CTNNA3: variants seen among roughly 807,000 people sequenced by gnomAD.
CTNNA3 encodes the protein catenin alpha 3.
Under a neutral mutation model 95.7 loss-of-function variants are expected in CTNNA3, and 76 were observed. The ratio of observed to expected loss-of-function variants is 0.79; its 90% confidence interval spans 0.66 to 0.96. The LOEUF is 0.96. Ranked by LOEUF, CTNNA3 falls within the 40% of genes least tolerant of loss-of-function variation. CTNNA3 has a pLI of 0.00. For missense variants in CTNNA3, 1,191 were observed against 1,089.8 expected, an observed-to-expected ratio of 1.09 and a Z score of -1.31; for synonymous variants, 431 against 374.4, an observed-to-expected ratio of 1.15 and a Z score of -1.74.
intron 9 of CTNNA3, among the ~76,000 whole-genome samples, chr10:66,734,033 G>T (rs1463038158): frequency 6.6e-6 from 1 of 151,504 alleles, no homozygotes; most frequent in Non-Finnish European, 1.5e-5. Flanking sequence ...ATAACTAATT[G>T]TGATGTATTT....
intron 13 of CTNNA3, among the ~76,000 whole-genome samples, chr10:66,236,595 C>G (rs2089865008): frequency 6.6e-6 from 1 of 152,076 alleles, no homozygotes; most frequent in African/African-American, 2.4e-5. Flanking sequence ...GTAAAATCAT[C>G]AAATCAGTAG....
chr10:66,523,918 T>C (rs1841157779), intron 10 of CTNNA3, among the ~76,000 whole-genome samples: 1 of 152,206 alleles, frequency 6.6e-6, no homozygotes, highest in African/African-American at 2.4e-5. Flanking sequence ...TTCTTTTCAG[T>C]AATTCATAGT....
intron 7 of CTNNA3, among the ~76,000 whole-genome samples, chr10:66,910,056 C>A (rs531480382): frequency 6.6e-6 from 1 of 152,104 alleles, no homozygotes; most frequent in South Asian, 2.1e-4. Context: ...GAGGAAGTCA[C>A]CAAAATCCCT....
At chr10:66,818,730 G>GTT (rs113895449) in intron 7 of CTNNA3, among the ~76,000 whole-genome samples, 10 of 144,428 alleles carry the variant, frequency 6.9e-5, no homozygotes, top group African/African-American at 9.8e-5. Context: ...GTGTTTTGTG[G>GTT]GTTTTTTTCA....
intron 17 of CTNNA3, among the ~76,000 whole-genome samples, chr10:65,920,883 A>T (rs2077076063): frequency 6.6e-6 from 1 of 152,190 alleles, no homozygotes; most frequent in Non-Finnish European, 1.5e-5. Flanking sequence ...TTAATGTCAC[A>T]ATAAGCTGCT....
At chr10:65,930,198 G>GAAAA (rs2077228727) in intron 17 of CTNNA3, among the ~76,000 whole-genome samples, 1 of 44,624 alleles carries the variant, frequency 2.2e-5, no homozygotes, top group Admixed American at 3.1e-4. Flanking sequence ...TCAGAGCTCA[G>GAAAA]TAAAAAAAAA....
At chr10:67,587,717 C>A (rs1842679615) in intron 3 of CTNNA3, among the ~76,000 whole-genome samples, 1 of 152,098 alleles carries the variant, frequency 6.6e-6, no homozygotes, top group Admixed American at 6.5e-5. Flanking sequence ...ATTTGGGGAT[C>A]ACTGAGCTTC....
chr10:66,816,393 T>A (rs567388827), intron 7 of CTNNA3, among the ~76,000 whole-genome samples: 39 of 152,040 alleles, frequency 2.6e-4, no homozygotes, highest in African/African-American at 8.7e-4. Flanking sequence ...AAGGCAAAAA[T>A]CGACTAATGG....
chr10:67,698,728 T>A (rs891700318), upstream of CTNNA3, among the ~76,000 whole-genome samples: 1 of 152,156 alleles, frequency 6.6e-6, no homozygotes, highest in Non-Finnish European at 1.5e-5. Context: ...TCCCTGTTTG[T>A]GATAATTAAA....
At chr10:66,775,814 T>A (rs186930215) in intron 7 of CTNNA3, among the ~76,000 whole-genome samples, 1 of 152,316 alleles carries the variant, frequency 6.6e-6, no homozygotes, top group Admixed American at 6.5e-5. Context: ...ATCTTCATTT[T>A]TAACAAGTCA....
At chr10:67,480,077 T>C (rs959510260) in intron 5 of CTNNA3, among the ~76,000 whole-genome samples, 8 of 151,656 alleles carry the variant, frequency 5.3e-5, no homozygotes, top group Admixed American at 1.3e-4. Flanking sequence ...AGTTCCAAAA[T>C]TGAACCAGTA....
At chr10:66,005,184 A>G (rs1450809417) in intron 15 of CTNNA3, among the ~76,000 whole-genome samples, 1 of 152,132 alleles carries the variant, frequency 6.6e-6, no homozygotes, top group African/African-American at 2.4e-5. Flanking sequence ...AAAGACTCCT[A>G]TAATATCATT....
intron 5 of CTNNA3, among the ~76,000 whole-genome samples, chr10:67,383,692 T>C (rs1844034768): frequency 6.6e-6 from 1 of 152,148 alleles, no homozygotes; most frequent in Non-Finnish European, 1.5e-5. Flanking sequence ...CAATGATTAG[T>C]TAACAATAAA....
chr10:66,940,430 C>T (rs1208902688), intron 7 of CTNNA3, among the ~76,000 whole-genome samples: 1 of 152,138 alleles, frequency 6.6e-6, no homozygotes, highest in Non-Finnish European at 1.5e-5. Flanking sequence ...GCAACGATTG[C>T]ACCACTGCAC....
intron 7 of CTNNA3, among the ~76,000 whole-genome samples, chr10:66,902,386 T>G (rs1300865145): frequency 6.6e-6 from 1 of 152,168 alleles, no homozygotes. Context: ...AAGCAGTATG[T>G]AGATGGAAAT....
At chr10:66,102,572 C>T (rs554435120) in intron 14 of CTNNA3, among the ~76,000 whole-genome samples, 14 of 152,184 alleles carry the variant, frequency 9.2e-5, no homozygotes, top group East Asian at 5.8e-4. Flanking sequence ...TAGTTGCAAG[C>T]GATAAGTGGC....
At chr10:66,985,611 G>A (rs1267872512) in intron 7 of CTNNA3, among the ~76,000 whole-genome samples, 3 of 152,090 alleles carry the variant, frequency 2.0e-5, no homozygotes, top group Non-Finnish European at 2.9e-5. Context: ...CTTCTGGAGT[G>A]GAAAGCAGAA....
intron 1 of CTNNA3, among the ~76,000 whole-genome samples, chr10:67,756,962 T>C (rs537611615): frequency 7.2e-5 from 11 of 152,288 alleles, no homozygotes; most frequent in Middle Eastern, 3.4e-3. Flanking sequence ...TGGGTTGAGG[T>C]TTTTTTCTAT....
intron 15 of CTNNA3, among the ~76,000 whole-genome samples, chr10:66,003,348 G>GT (rs533737369): frequency 6.6e-6 from 1 of 151,536 alleles, no homozygotes; most frequent in Admixed American, 6.6e-5. Flanking sequence ...GTGTGTGTGT[G>GT]GAGAGAGAGA....
Sources: gnomAD v4.1 joint callset for allele counts (sites outside exome capture counted in the v4.1 genomes callset) on GRCh38, gnomAD v4.1.1 for gene constraint, MANE v1.5 for transcripts, NCBI Gene and HGNC (gene_info 2026-07-23, HGNC 2026-07-21) for gene names.